The following KDM5A variants were observed in gnomAD, a reference collection of about 807,000 sequenced individuals.
KDM5A encodes lysine demethylase 5A, also known as lysine-specific demethylase 5A.
A neutral mutation model predicts 193.5 loss-of-function variants in KDM5A; 42 were observed. That is an observed-to-expected ratio of 0.22 (90% CI 0.17 to 0.28). KDM5A has a LOEUF of 0.28. Ranked by LOEUF, KDM5A falls within the 10% of genes least tolerant of loss-of-function variation. The pLI, the probability that KDM5A is intolerant of heterozygous loss-of-function variation, is 1.00. For missense variants in KDM5A, 1,692 were observed against 2,055.1 expected (o/e 0.82, Z 3.42); for synonymous variants, 796 against 718.1 (o/e 1.11, Z -1.73).
Position 342,964 on chromosome 12 carries a change from G to C in KDM5A, c.1308+7657C>G, listed in dbSNP as rs146781145. On this transcript the variant is annotated intron_variant, in intron 10 of 27. Coordinates refer to ENST00000399788, the MANE Select transcript of KDM5A (RefSeq NM_001042603.3). Reference sequence around the variant, plus strand: ...AGCCCACAGAGGGCTAGCTGAAGCAGGGCGTGCATCACCTCACCCTGGAAG... The same window carrying C: ...AGCCCACAGAGGGCTAGCTGAAGCACGGCGTGCATCACCTCACCCTGGAAG... Among the ~76,000 whole-genome samples the C allele has an allele frequency of 1.7e-3, 262 of 152,274 alleles. 1 individual carries two copies. The highest frequency in any genetic ancestry group is 5.9e-3 in the African/African-American group (246 of 41,564).
intron 24 of KDM5A, among the ~76,000 whole-genome samples, chr12:298,955 T>C (rs1207998244): frequency 6.6e-6 from 1 of 151,030 alleles, no homozygotes; most frequent in African/African-American, 2.4e-5. Flanking sequence ...ATATCAGAGA[T>C]TGAAGATCAA....
intron 27 of KDM5A, among the ~76,000 whole-genome samples, chr12:287,743 C>T (rs12301464): frequency 0.07 from 10,692 of 152,128 alleles, 841 homozygotes; most frequent in East Asian, 0.35. Flanking sequence ...CCTTACACCT[C>T]CAACCCTCTT....
chr12:347,613 T>C (rs1944095449), intron 10 of KDM5A, among the ~76,000 whole-genome samples: 1 of 151,904 alleles, frequency 6.6e-6, no homozygotes, highest in African/African-American at 2.4e-5. Context: ...ACACCACATA[T>C]CCACAACCAT....
chr12:356,431 C>G lies in KDM5A; in HGVS notation c.778+1G>C. 6.3e-7 allele frequency: 1 copy of G among 1,581,894 alleles called. No individual in the cohort carries two copies. The highest frequency in any genetic ancestry group is 8.7e-7 in the Non-Finnish European group (1 of 1,150,802). On this transcript the variant is annotated splice_donor_variant, in intron 6 of 27. Transcript: ENST00000399788. LOFTEE classifies it high-confidence loss of function. ...TTTCATGATCAAACAACAAATTTTA[C>G]CTTCTTTATCTTTTGTTCCCATTGC...
chr12:307,604 C>T lies in KDM5A; in HGVS notation c.3780G>A (p.Ala1260=), dbSNP rs763005795. The change falls in exon 23 of 28, where the codon GCG becomes GCA. Residue 1260 remains alanine (A), a synonymous_variant. Transcript: ENST00000399788. This position sits in a 1 kb window ranked among gnomAD's most constrained non-coding sequence, Gnocchi z 4.3. ...TERAMSWQDR[A]RQALATDELS... ...GTTCATCTGTGGCTAGAGCCTGCCG[C>T]GCTCTATCTTGCCAACTCATAGCAC... 5.6e-6 allele frequency: 9 copies of T among 1,614,104 alleles called. No homozygotes were observed. The highest frequency in any genetic ancestry group is 2.2e-5 in the East Asian group (1 of 44,884).
intron 1 of KDM5A, 75 bp downstream of exon 1, chr12:388,852 A>G: frequency 6.6e-7 from 1 of 1,506,590 alleles, no homozygotes; most frequent in Admixed American, 1.7e-5. Flanking sequence ...CAAGGATCAG[A>G]AAAGTAAAGC....
In KDM5A at chr12:309,816, T is replaced by C. The variant is rs1943560581; in HGVS notation, c.3365A>G (p.Asp1122Gly). 6.2e-7 allele frequency: 1 copy of C among 1,614,154 alleles called. No individual in the cohort carries two copies. The change falls in exon 22 of 28, where the codon GAT (aspartate) becomes GGT (glycine). Residue 1122 changes from aspartate (D) to glycine (G), a missense_variant. Transcript: ENST00000399788. ...GTAATTTCTTACCACCATGGCTGTA[T>C]CTCTGGTTTCCTCCAATCCTTCCTC... The part of the protein sequence containing the change: ...DLEEGLEETR[D>G]TAMVVAVFKE...
chr12:373,314 G>A (rs1268454186), intron 3 of KDM5A, among the ~76,000 whole-genome samples: 1 of 152,160 alleles, frequency 6.6e-6, no homozygotes, highest in Non-Finnish European at 1.5e-5. Context: ...TCCTGGTTTA[G>A]TCTTGGGAGG....
At chr12:329,685 A>G (rs1943837516) in intron 13 of KDM5A, among the ~76,000 whole-genome samples, 1 of 152,158 alleles carries the variant, frequency 6.6e-6, no homozygotes, top group Non-Finnish European at 1.5e-5. Flanking sequence ...TTTCCCTAAC[A>G]GTGAAATAAA....
intron 26 of KDM5A, 128 bp downstream of exon 26, chr12:295,445 C>A: frequency 2.3e-6 from 2 of 879,250 alleles, no homozygotes; most frequent in Non-Finnish European, 3.8e-6. Flanking sequence ...ATTTCTTTGG[C>A]TGAAGTGGGA....
At chr12:300,231 T>C (rs191955957) in intron 24 of KDM5A, among the ~76,000 whole-genome samples, 1 of 152,236 alleles carries the variant, frequency 6.6e-6, no homozygotes, top group Non-Finnish European at 1.5e-5. Flanking sequence ...AGAATACACA[T>C]TCTGCTCAGC....
intron 4 of KDM5A, among the ~76,000 whole-genome samples, chr12:364,280 T>A (rs1458262078): frequency 6.6e-6 from 1 of 152,044 alleles, no homozygotes; most frequent in East Asian, 1.9e-4. Flanking sequence ...AAGACCAGCC[T>A]GGCCAACATG....
rs1468066339 is a variant in KDM5A, at chr12:389,184, A to G, written c.-93T>C. 1 of 1,191,126 alleles carries G rather than the reference A, an allele frequency of 8.4e-7. No homozygotes were observed. The highest frequency in any genetic ancestry group is 1.3e-6 in the Non-Finnish European group (1 of 797,260). 73.8% of individuals were successfully genotyped at this position (1,191,126 alleles called of 1,614,324 possible). On this transcript the variant is annotated 5_prime_UTR_variant, in exon 1 of 28. Transcript: ENST00000399788. ...TAAGCCCGTTCAAGTCCCCTGACAG[A>G]GGCCGAAGCGCATCTTCGCGGACAA...
rs1943869945 is a variant in KDM5A, at chr12:331,827, C to T, written c.1765G>A (p.Ala589Thr). The change falls in exon 13 of 28, where the codon GCT (alanine) becomes ACT (threonine). Residue 589 changes from alanine to threonine, a missense_variant. Coordinates refer to ENST00000399788, the MANE Select transcript of KDM5A (RefSeq NM_001042603.3). The stretch of plus-strand genomic sequence containing the variant: ...CTTGCTATAGAACAGACCCAGTCAG[C>T]AGTACAGAAGTTCACAGCTTCAGCA... ...NFAEAVNFCT[A>T]DWLPIGRQCV... 1 of 1,613,934 alleles carries T rather than the reference C, an allele frequency of 6.2e-7. No homozygotes were observed. Among genetic ancestry groups the T allele is most frequent in the South Asian group, 1.1e-5 (1 of 91,080 alleles).
rs765539853 is a variant in KDM5A at position 295,784 on chromosome 12, G to A, written c.4244C>T (p.Thr1415Ile). The A allele has an allele frequency of 4.3e-6, 7 of 1,613,792 alleles. No homozygotes were observed. Among genetic ancestry groups the A allele is most frequent in the African/African-American group, 1.3e-5 (1 of 74,860 alleles). ...GCTCTTCCGAGGTTGTTTCCTTGGG[G>A]TGCTAGAACCTTTCCCAAAAAATAC... ...ASKSCSQGSS[T>I]PRKQPRKSPL... Residue 1415 changes from threonine (T) to isoleucine (I), a missense_variant, in exon 26 of 28, where the codon ACC (threonine) becomes ATC (isoleucine). Thr to Ile is a moderately conservative substitution (Grantham distance 89). Coordinates refer to ENST00000399788, the MANE Select transcript of KDM5A (RefSeq NM_001042603.3).
chr12:305,416 T>C (rs1943491930), intron 24 of KDM5A, among the ~76,000 whole-genome samples: 2 of 152,192 alleles, frequency 1.3e-5, no homozygotes, highest in African/African-American at 2.4e-5. Flanking sequence ...GCGTCTATGA[T>C]GGATGGTTTT....
At position 284,305 on chromosome 12, in the gene KDM5A, A is replaced by G. The variant is rs554634464; in HGVS notation, c.*1151T>C. 4.3e-6 allele frequency: 1 copy of G among 230,558 alleles called. No individual in the cohort carries two copies. Among genetic ancestry groups the G allele is most frequent in the Non-Finnish European group, 8.6e-6 (1 of 116,400 alleles). 14.3% of individuals were successfully genotyped at this position (230,558 alleles called of 1,614,324 possible). A position where few individuals can be genotyped will look rare whatever the true frequency, so the allele number is the denominator to read the frequency against. On this transcript the variant is annotated 3_prime_UTR_variant, in exon 28 of 28. Transcript: ENST00000399788. ...CAGTCAGTAGTCAGAGACATTTAGA[A>G]AAAAGTAAAAACAAGTCCTTTTTTT... is the stretch of plus-strand genomic sequence containing the variant.
intron 3 of KDM5A, among the ~76,000 whole-genome samples, chr12:375,470 A>G (rs1217580978): frequency 6.6e-6 from 1 of 152,118 alleles, no homozygotes; most frequent in Non-Finnish European, 1.5e-5. Context: ...CTATTTAGCC[A>G]TTTGTCTAAT....
chr12:298,197 A>G (rs1015381457), intron 24 of KDM5A, among the ~76,000 whole-genome samples: 1 of 152,198 alleles, frequency 6.6e-6, no homozygotes, highest in African/African-American at 2.4e-5. Context: ...GAGCTCTGAT[A>G]AGCAACAGAA....
Sources: gnomAD v4.1 joint callset for allele counts (sites outside exome capture counted in the v4.1 genomes callset) on GRCh38, gnomAD v4.1.1 for gene constraint, Gnocchi (gnomAD v3.1) non-coding constraint, MANE v1.5 for transcripts, NCBI Gene and HGNC (gene_info 2026-07-23, HGNC 2026-07-21) for gene names.